Variants in PTPRM observed in about 807,000 individuals in gnomAD.
The protein encoded by PTPRM is receptor-type tyrosine-protein phosphatase mu.
A neutral mutation model predicts 186.7 loss-of-function variants in PTPRM; 47 were observed. That is an observed-to-expected ratio of 0.25 (90% CI 0.20 to 0.32). The LOEUF (loss-of-function observed/expected upper bound fraction) is 0.32, where lower values mean the gene tolerates loss of function less well. Ranked by LOEUF, PTPRM falls within the 10% of genes least tolerant of loss-of-function variation. The pLI is 1.00. For synonymous variants in PTPRM, 668 were observed against 674.9 expected, an observed-to-expected ratio of 0.99 and a Z score of 0.16; for missense variants, 1,494 against 1,865.0, an observed-to-expected ratio of 0.80 and a Z score of 3.66.
intron 3 of PTPRM, among the ~76,000 whole-genome samples, chr18:7,906,061 G>A (rs1372489873): frequency 1.3e-5 from 2 of 151,990 alleles, no homozygotes; most frequent in Non-Finnish European, 2.9e-5. Context: ...CCTGGCTTTG[G>A]GTGGGGAATC....
chr18:7,576,988 G>A (rs1240558552), intron 1 of PTPRM, among the ~76,000 whole-genome samples: 1 of 152,108 alleles, frequency 6.6e-6, no homozygotes, highest in Non-Finnish European at 1.5e-5. Flanking sequence ...GCATGTAGTA[G>A]TCACTCAATA....
intron 7 of PTPRM, among the ~76,000 whole-genome samples, chr18:8,056,747 T>G (rs2087980076): frequency 9.5e-6 from 1 of 104,942 alleles, no homozygotes; most frequent in Non-Finnish European, 2.0e-5. Flanking sequence ...GCAGCCTTTT[T>G]TAGCAAAAAA....
At chr18:7,740,258 A>T (rs982197743) in intron 1 of PTPRM, among the ~76,000 whole-genome samples, 6 of 152,164 alleles carry the variant, frequency 3.9e-5, no homozygotes, top group Non-Finnish European at 8.8e-5. Context: ...CAGAAGAATC[A>T]GTATAGAGTA....
At chr18:8,325,282 C>T (rs1301826264) in intron 22 of PTPRM, among the ~76,000 whole-genome samples, 17 of 152,112 alleles carry the variant, frequency 1.1e-4, no homozygotes, top group Non-Finnish European at 2.1e-4. Context: ...GCATAATACC[C>T]GATAGGTAGT....
At chr18:7,772,349 C>CTTTCTTTCTTTCTT (rs775447799) in intron 1 of PTPRM, among the ~76,000 whole-genome samples, 6 of 96,034 alleles carry the variant, frequency 6.2e-5, no homozygotes, top group African/African-American at 1.9e-4. Context: ...TTCTTTCTTT[C>CTTTCTTTCTTTCTT]TCTTTCTTTC....
intron 2 of PTPRM, among the ~76,000 whole-genome samples, chr18:7,800,202 G>A (rs180933090): frequency 1.8e-3 from 273 of 152,218 alleles, no homozygotes; most frequent in Non-Finnish European, 3.5e-3. Flanking sequence ...CCAGGTGAGC[G>A]CCAAAGCATA....
intron 14 of PTPRM, among the ~76,000 whole-genome samples, chr18:8,213,786 C>T (rs1353098649): frequency 1.3e-5 from 2 of 152,110 alleles, no homozygotes; most frequent in Non-Finnish European, 2.9e-5. Context: ...ATCATTATAT[C>T]AAAAAGACAC....
intron 1 of PTPRM, among the ~76,000 whole-genome samples, chr18:7,616,202 G>T (rs1048248268): frequency 1.3e-5 from 2 of 152,154 alleles, no homozygotes; most frequent in African/African-American, 4.8e-5. Flanking sequence ...TGTTGCCAAG[G>T]CTGGAGTGTG....
chr18:7,782,205 G>C (rs982635051), intron 2 of PTPRM, among the ~76,000 whole-genome samples: 2 of 152,132 alleles, frequency 1.3e-5, no homozygotes, highest in Non-Finnish European at 2.9e-5. Flanking sequence ...TTTTCCATGT[G>C]CGTGGACACC....
At chr18:8,210,546 T>A (rs1173264230) in intron 14 of PTPRM, among the ~76,000 whole-genome samples, 1 of 152,072 alleles carries the variant, frequency 6.6e-6, no homozygotes, top group Non-Finnish European at 1.5e-5. Flanking sequence ...TCTAGAACTG[T>A]GAGATAAATT....
At chr18:8,275,337 C>T (rs1001235346) in intron 19 of PTPRM, among the ~76,000 whole-genome samples, 44 of 152,048 alleles carry the variant, frequency 2.9e-4, no homozygotes, top group African/African-American at 9.2e-4. Context: ...TCCAGCTACT[C>T]GGAGGCTGAG....
intron 3 of PTPRM, among the ~76,000 whole-genome samples, chr18:7,901,929 C>T (rs1266082979): frequency 2.0e-5 from 3 of 152,164 alleles, no homozygotes; most frequent in Non-Finnish European, 4.4e-5. Flanking sequence ...AGTCCCTTAA[C>T]AAGTTTCTAA....
intron 4 of PTPRM, among the ~76,000 whole-genome samples, chr18:7,913,771 T>C (rs2050404495): frequency 6.6e-6 from 1 of 152,140 alleles, no homozygotes; most frequent in South Asian, 2.1e-4. Context: ...ATCTTAAAAT[T>C]ATACAGAATC....
chr18:7,931,714 G>A (rs904402059), intron 5 of PTPRM, among the ~76,000 whole-genome samples: 1 of 152,150 alleles, frequency 6.6e-6, no homozygotes, highest in Non-Finnish European at 1.5e-5. Flanking sequence ...ATTTTTGTTT[G>A]CTGATGGGAA....
chr18:7,706,601 CAAAAAA>C (rs766639399), intron 1 of PTPRM, among the ~76,000 whole-genome samples: 5 of 16,130 alleles, frequency 3.1e-4, no homozygotes, highest in East Asian at 2.2e-3. Context: ...GACCTTGTCT[CAAAAAA>C]AAAAAAAAAA....
intron 7 of PTPRM, among the ~76,000 whole-genome samples, chr18:7,975,995 C>G (rs2054906923): frequency 6.6e-6 from 1 of 152,008 alleles, no homozygotes; most frequent in Admixed American, 6.5e-5. Context: ...ATGGTGAAAC[C>G]CTGTCTCTAC....
intron 7 of PTPRM, among the ~76,000 whole-genome samples, chr18:7,958,476 G>A (rs927934029): frequency 3.3e-5 from 5 of 152,164 alleles, no homozygotes; most frequent in African/African-American, 2.4e-5. Flanking sequence ...GGGGAGGAAA[G>A]GGCACCTGTG....
At chr18:7,961,298 C>G (rs913449098) in intron 7 of PTPRM, among the ~76,000 whole-genome samples, 1 of 152,156 alleles carries the variant, frequency 6.6e-6, no homozygotes, top group African/African-American at 2.4e-5. Context: ...TCCCCATAAC[C>G]CTGGCAACCA....
chr18:8,067,579 A>C (rs1422698543), intron 7 of PTPRM, among the ~76,000 whole-genome samples: 1 of 152,204 alleles, frequency 6.6e-6, no homozygotes, highest in African/African-American at 2.4e-5. Context: ...ATATCTGGTA[A>C]ATGCTACGTT....
Sources: gnomAD v4.1 joint callset for allele counts (sites outside exome capture counted in the v4.1 genomes callset) on GRCh38, gnomAD v4.1.1 for gene constraint, MANE v1.5 for transcripts, NCBI Gene and HGNC (gene_info 2026-07-23, HGNC 2026-07-21) for gene names.